RBFOX2: variants seen among roughly 807,000 people sequenced by gnomAD.
RBFOX2 encodes RNA binding fox-1 homolog 2, also known as RNA binding protein fox-1 homolog 2.
In RBFOX2, 10 loss-of-function variants were observed where a neutral mutation model predicts 49.1. The observed-to-expected ratio is 0.20, with a 90% CI of 0.13 to 0.35. The LOEUF (loss-of-function observed/expected upper bound fraction) is 0.35, where lower values mean the gene tolerates loss of function less well. Ranked by LOEUF, RBFOX2 falls within the 10% of genes least tolerant of loss-of-function variation. The probability of loss-of-function intolerance (pLI) is 1.00; values close to 1 mark genes in which losing one functional copy is unlikely to be tolerated. For missense variants in RBFOX2, 323 were observed against 486.9 expected (o/e 0.66, Z 3.17); for synonymous variants, 183 against 187.4 (o/e 0.98, Z 0.19).
chr22:35,962,968 G>A (rs1221515842), upstream of RBFOX2, among the ~76,000 whole-genome samples: 1 of 135,764 alleles, frequency 7.4e-6, no homozygotes, highest in Non-Finnish European at 1.5e-5. Flanking sequence ...AGGAAAGGGA[G>A]AAAAGGAATG....
intron 2 of RBFOX2, among the ~76,000 whole-genome samples, chr22:35,787,030 T>C (rs1362147008): frequency 6.6e-6 from 1 of 151,972 alleles, no homozygotes; most frequent in South Asian, 2.1e-4. Context: ...AGAGGTGACA[T>C]GGGTTCTATA....
At chr22:35,783,371 C>T (rs1945631532) in intron 2 of RBFOX2, among the ~76,000 whole-genome samples, 1 of 152,096 alleles carries the variant, frequency 6.6e-6, no homozygotes, top group Non-Finnish European at 1.5e-5. Context: ...GCCTTGTTTC[C>T]ATGATGCCAC....
intron 1 of RBFOX2, among the ~76,000 whole-genome samples, chr22:35,937,252 G>A (rs920039156): frequency 9.9e-5 from 15 of 152,156 alleles, no homozygotes; most frequent in African/African-American, 3.4e-4. Context: ...ACTATCAAAG[G>A]CATAAGTTTC....
At chr22:35,987,726 T>C (rs1289374295) in intron 1 of RBFOX2, among the ~76,000 whole-genome samples, 1 of 152,166 alleles carries the variant, frequency 6.6e-6, no homozygotes, top group East Asian at 1.9e-4. Context: ...CAGATGGAAC[T>C]TTCTGCTCAC....
At chr22:35,977,722 C>CTATATATATATATA (rs375088964) in intron 1 of RBFOX2, among the ~76,000 whole-genome samples, 14 of 80,872 alleles carry the variant, frequency 1.7e-4, no homozygotes, top group Admixed American at 5.4e-4. Flanking sequence ...CCTGAATGAA[C>CTATATATATATATA]TATATATATA....
chr22:35,843,505 A>T (rs1479251475), upstream of RBFOX2, among the ~76,000 whole-genome samples: 1 of 152,086 alleles, frequency 6.6e-6, no homozygotes, highest in Non-Finnish European at 1.5e-5. Context: ...ACTCAATTGA[A>T]ATTTACCTTA....
At chr22:35,864,180 C>G (rs557964852) in intron 1 of RBFOX2, among the ~76,000 whole-genome samples, 1 of 151,994 alleles carries the variant, frequency 6.6e-6, no homozygotes, top group Non-Finnish European at 1.5e-5. Flanking sequence ...TACAGCTGAA[C>G]ATAAAATATC....
rs568759633 is a variant in RBFOX2 at position 35,825,208 on chromosome 22, A to G, written c.27+14984T>C. On this transcript the variant is annotated intron_variant, in intron 1 of 11. Coordinates refer to ENST00000405409, the Ensembl canonical transcript of RBFOX2. ...GTACTCCAGCCTGGGAGTGCAGTTA[A>G]TAAGATAAAATTTTGGGAAGCCAAA... 1.5e-3 allele frequency among the ~76,000 whole-genome samples: 222 copies of G among 152,278 alleles called. 1 individual carries two copies. The highest frequency in any genetic ancestry group is 5.1e-3 in the African/African-American group (213 of 41,582).
At chr22:35,793,148 G>C (rs551311307) in intron 2 of RBFOX2, among the ~76,000 whole-genome samples, 1 of 152,334 alleles carries the variant, frequency 6.6e-6, no homozygotes, top group East Asian at 1.9e-4. Flanking sequence ...AAGGCGGGTG[G>C]ATCACCTGAG....
chr22:35,763,086 C>A (rs1939551137), intron 6 of RBFOX2, among the ~76,000 whole-genome samples: 1 of 152,144 alleles, frequency 6.6e-6, no homozygotes, highest in African/African-American at 2.4e-5. Context: ...TTCCAACCAA[C>A]CTAAATGAGA....
chr22:36,025,699 A>G (rs769594219), intron 1 of RBFOX2, among the ~76,000 whole-genome samples: 35 of 152,166 alleles, frequency 2.3e-4, no homozygotes, highest in Admixed American at 1.4e-3. Flanking sequence ...CATGCACCTT[A>G]AGGACAGTGA....
At chr22:35,853,880 G>C (rs1328458512) in intron 1 of RBFOX2, among the ~76,000 whole-genome samples, 1 of 152,026 alleles carries the variant, frequency 6.6e-6, no homozygotes, top group Non-Finnish European at 1.5e-5. Flanking sequence ...TTCAATACAA[G>C]TACTTTAAAA....
chr22:35,856,491 C>A (rs2149036131), intron 1 of RBFOX2, among the ~76,000 whole-genome samples: 1 of 152,164 alleles, frequency 6.6e-6, no homozygotes, highest in East Asian at 1.9e-4. Flanking sequence ...GCAAAGATTG[C>A]CGAGATTTCT....
At chr22:35,980,636 C>A (rs374351761) in intron 1 of RBFOX2, among the ~76,000 whole-genome samples, 2 of 6,138 alleles carry the variant, frequency 3.3e-4, no homozygotes, top group African/African-American at 5.9e-4. Context: ...TCAATTGGGG[C>A]GGGGGTGGGG....
intron 1 of RBFOX2, chr22:35,994,992 T>C (rs2150126443): frequency 6.6e-6 from 1 of 152,362 alleles, no homozygotes; most frequent in South Asian, 2.1e-4. Flanking sequence ...GGATCCTTTT[T>C]ATTGTCTTTA....
intron 1 of RBFOX2, among the ~76,000 whole-genome samples, chr22:35,876,587 A>G (rs2045117943): frequency 6.6e-6 from 1 of 152,124 alleles, no homozygotes; most frequent in Non-Finnish European, 1.5e-5. Context: ...GCTCTGAAAA[A>G]GGGTATTGTA....
intron 1 of RBFOX2, among the ~76,000 whole-genome samples, chr22:35,825,906 C>A (rs1054992686): frequency 4.9e-5 from 7 of 142,638 alleles, no homozygotes; most frequent in Admixed American, 4.4e-4. Flanking sequence ...CACTTGAACC[C>A]GGGAGGTGGA....
intron 1 of RBFOX2, among the ~76,000 whole-genome samples, chr22:36,026,279 T>C (rs915230902): frequency 5.5e-5 from 6 of 108,982 alleles, no homozygotes; most frequent in Non-Finnish European, 8.8e-5. Context: ...AGAGAATGTA[T>C]AGAAAGAAAA....
At chr22:35,969,426 G>T (rs990061686) in intron 1 of RBFOX2, among the ~76,000 whole-genome samples, 1 of 152,162 alleles carries the variant, frequency 6.6e-6, no homozygotes, top group East Asian at 1.9e-4. Context: ...ACAAAAATTC[G>T]TCAGGCATGG....
Sources: allele counts gnomAD v4.1 joint callset (sites outside exome capture counted in the v4.1 genomes callset), GRCh38; gene constraint gnomAD v4.1.1; transcripts MANE v1.5; gene names NCBI Gene and HGNC (gene_info 2026-07-23, HGNC 2026-07-21).